SEMA6A: variants seen among roughly 807,000 people sequenced by gnomAD.
SEMA6A encodes semaphorin 6A.
Under a neutral mutation model 96.8 loss-of-function variants are expected in SEMA6A, and 25 were observed. The ratio of observed to expected loss-of-function variants is 0.26; its 90% CI spans 0.19 to 0.36. SEMA6A has a LOEUF of 0.36. SEMA6A is among the 10% of genes least tolerant of loss of function. SEMA6A has a pLI of 1.00. For missense variants in SEMA6A, 1,363 were observed against 1,323.1 expected, an observed-to-expected ratio of 1.03 and a Z score of -0.47; for synonymous variants, 612 against 518.0, an observed-to-expected ratio of 1.18 and a Z score of -2.46.
intron 1 of SEMA6A, among the ~76,000 whole-genome samples, chr5:116,513,483 AT>A (rs1387356558): frequency 1.3e-5 from 2 of 151,910 alleles, no homozygotes; most frequent in Non-Finnish European, 1.5e-5. Flanking sequence ...TCCAGACCTG[AT>A]TTTGTACAAT....
At chr5:116,559,415 G>A (rs1404645016) in intron 1 of SEMA6A, among the ~76,000 whole-genome samples, 1 of 152,150 alleles carries the variant, frequency 6.6e-6, no homozygotes, top group African/African-American at 2.4e-5. Flanking sequence ...AGGGTACCAC[G>A]TAGCAGTTAC....
chr5:116,551,311 T>G (rs1183983128), intron 1 of SEMA6A, among the ~76,000 whole-genome samples: 1 of 67,230 alleles, frequency 1.5e-5, no homozygotes, highest in Non-Finnish European at 4.0e-5. Flanking sequence ...CATGATAGTC[T>G]TAGCATACAC....
At chr5:116,518,690 C>G (rs1758783011) in intron 1 of SEMA6A, among the ~76,000 whole-genome samples, 1 of 152,184 alleles carries the variant, frequency 6.6e-6, no homozygotes, top group African/African-American at 2.4e-5. Flanking sequence ...GCTTGCCTTT[C>G]TTTGGGAGGA....
intron 18 of SEMA6A, among the ~76,000 whole-genome samples, chr5:116,458,142 T>G (rs1056184256): frequency 1.3e-5 from 2 of 152,186 alleles, no homozygotes; most frequent in Non-Finnish European, 2.9e-5. Flanking sequence ...AAGAAAGGTC[T>G]GAGACAAAGC....
Position 116,447,774 on chromosome 5 carries a change from C to A in SEMA6A, c.1932G>T (p.Gln644His), listed in dbSNP as rs1324600923. ...TGGCCAAGAGGGTGACGGGAACCAGCTGGTCGTGGCCTTTGAGGTAACTTT... is the reference window on the plus strand; with the variant it reads ...TGGCCAAGAGGGTGACGGGAACCAGATGGTCGTGGCCTTTGAGGTAACTTT... ...IRESYLKGHD[Q>H]LVPVTLLAIA... The change falls in exon 19 of 19, where the codon CAG becomes CAT. Residue 644 changes from glutamine (Q) to histidine (H), a missense_variant. This residue lies in a region of SEMA6A where 883 missense variants were observed against 763.6 expected (regional missense o/e 1.16). Transcript: ENST00000343348. The A allele has an allele frequency of 6.2e-7, 1 of 1,608,608 alleles. No individual in the cohort carries two copies. The highest frequency in any genetic ancestry group is 8.5e-7 in the Non-Finnish European group (1 of 1,175,670).
chr5:116,527,782 A>G (rs992142377), intron 1 of SEMA6A, among the ~76,000 whole-genome samples: 1 of 152,202 alleles, frequency 6.6e-6, no homozygotes, highest in Non-Finnish European at 1.5e-5. Flanking sequence ...ACTTTCAGTT[A>G]AAAGTCAACC....
At chr5:116,450,604 T>C (rs959656520) in intron 18 of SEMA6A, among the ~76,000 whole-genome samples, 1 of 152,230 alleles carries the variant, frequency 6.6e-6, no homozygotes, top group Non-Finnish European at 1.5e-5. Context: ...TGGGAAGAAC[T>C]CTTTTTTAGT....
chr5:116,450,279 G>T (rs1160822419), intron 18 of SEMA6A, among the ~76,000 whole-genome samples: 1 of 152,164 alleles, frequency 6.6e-6, no homozygotes, highest in East Asian at 1.9e-4. Context: ...TTTTTTCATG[G>T]CAATGAGTAT....
Position 116,446,689 on chromosome 5 carries a change from A to C in SEMA6A, c.3017T>G (p.Leu1006Arg). The change falls in exon 19 of 19, where the codon CTA becomes CGA. Residue 1006 changes from leucine to arginine, a missense_variant. Leu to Arg is a moderately radical substitution (Grantham distance 102). This residue lies in a region of SEMA6A where 883 missense variants were observed against 763.6 expected (regional missense o/e 1.16). Coordinates refer to ENST00000343348, the MANE Select transcript of SEMA6A (RefSeq NM_020796.5). ...TRSGLKRTPS[L>R]KPDVPPKPSF... ...TGGTTTGGGGGGTACGTCCGGCTTT[A>C]GCGAGGGCGTACGCTTCAGCCCCGA... The C allele has an allele frequency of 6.4e-7, 1 of 1,574,716 alleles. No individual in the cohort carries two copies. The highest frequency in any genetic ancestry group is 8.6e-7 in the Non-Finnish European group (1 of 1,159,186).
At chr5:116,494,580 C>T (rs1158044994) in intron 6 of SEMA6A, among the ~76,000 whole-genome samples, 1 of 152,162 alleles carries the variant, frequency 6.6e-6, no homozygotes, top group African/African-American at 2.4e-5. Context: ...TTGTGTTGTG[C>T]TTCCATAATC....
intron 1 of SEMA6A, among the ~76,000 whole-genome samples, chr5:116,509,666 G>A (rs1007665626): frequency 6.6e-6 from 1 of 152,062 alleles, no homozygotes; most frequent in African/African-American, 2.4e-5. Flanking sequence ...GCCTGCCTCT[G>A]GGTCATGTAA....
At chr5:116,573,236 G>T (rs1385948677) in intron 1 of SEMA6A, among the ~76,000 whole-genome samples, 1 of 152,174 alleles carries the variant, frequency 6.6e-6, no homozygotes, top group Non-Finnish European at 1.5e-5. Flanking sequence ...GTGAGGAGTC[G>T]GAACAGAGCC....
rs748126049 is a variant in SEMA6A at position 116,482,483 on chromosome 5, G to A, written c.1055C>T (p.Thr352Ile). Residue 352 changes from threonine (T) to isoleucine (I), a missense_variant, in exon 11 of 19, where the codon ACC (threonine) becomes ATC (isoleucine). Thr to Ile is a moderately conservative substitution (Grantham distance 89). Coordinates refer to ENST00000343348, the MANE Select transcript of SEMA6A (RefSeq NM_020796.5). ...RFKEQKSPDS[T>I]WTPVPDERVP... ...TCGTTCATCAGGAACTGGTGTCCAG[G>A]TGGAATCAGGAGACTTCTGTTCCTT... 2.0e-5 allele frequency: 32 copies of A among 1,613,420 alleles called. No individual in the cohort carries two copies. Among genetic ancestry groups the A allele is most frequent in the Non-Finnish European group, 2.6e-5 (31 of 1,179,636 alleles).
At chr5:116,522,667 C>A (rs774037053) in intron 1 of SEMA6A, among the ~76,000 whole-genome samples, 1 of 151,970 alleles carries the variant, frequency 6.6e-6, no homozygotes, top group African/African-American at 2.4e-5. Flanking sequence ...AAGCAAATAA[C>A]CTTCATATTT....
At chr5:116,489,230 A>G (rs560926968) in intron 7 of SEMA6A, among the ~76,000 whole-genome samples, 17 of 152,056 alleles carry the variant, frequency 1.1e-4, no homozygotes, top group Admixed American at 4.6e-4. Context: ...TTGCATGGCA[A>G]TTTTTTTTAA....
At chr5:116,454,812 A>ATGTG (rs1462257295) in intron 18 of SEMA6A, among the ~76,000 whole-genome samples, 1 of 141,842 alleles carries the variant, frequency 7.1e-6, no homozygotes, top group South Asian at 2.3e-4. Flanking sequence ...GTGTGTGTGC[A>ATGTG]TGTGTGTGTG....
At chr5:116,487,488 T>C (rs1757116575) in intron 9 of SEMA6A, among the ~76,000 whole-genome samples, 1 of 151,880 alleles carries the variant, frequency 6.6e-6, no homozygotes, top group Non-Finnish European at 1.5e-5. Context: ...AGATACTGCA[T>C]AGTTACAGTC....
intron 11 of SEMA6A, among the ~76,000 whole-genome samples, chr5:116,481,194 C>T (rs189939015): frequency 3.3e-5 from 5 of 152,320 alleles, no homozygotes; most frequent in African/African-American, 1.2e-4. Flanking sequence ...TAGAAAATCA[C>T]TTAAAGTATG....
At chr5:116,543,344 C>T (rs953637305) in intron 1 of SEMA6A, among the ~76,000 whole-genome samples, 22 of 152,232 alleles carry the variant, frequency 1.4e-4, no homozygotes, top group African/African-American at 5.3e-4. Context: ...TCAAACTTCA[C>T]TATGCTCACG....
Sources: gnomAD v4.1 joint callset for allele counts (sites outside exome capture counted in the v4.1 genomes callset) on GRCh38, gnomAD v4.1.1 for gene constraint, gnomAD v4.1.1 regional missense constraint, MANE v1.5 for transcripts, NCBI Gene and HGNC (gene_info 2026-07-23, HGNC 2026-07-21) for gene names.